Variants in ROS1 observed in about 807,000 individuals in gnomAD.
ROS1 encodes proto-oncogene tyrosine-protein kinase ROS.
A neutral mutation model predicts 273.5 loss-of-function variants in ROS1; 263 were observed. The ratio of observed to expected loss-of-function variants is 0.96; its 90% CI spans 0.87 to 1.06. The LOEUF is 1.06. Among genes scored for constraint, ROS1 ranks in the 50% least tolerant of loss-of-function variants. The probability of loss-of-function intolerance (pLI) is 0.00; values close to 1 mark genes in which losing one functional copy is unlikely to be tolerated. For missense variants in ROS1, 2,833 were observed against 2,751.1 expected, an observed-to-expected ratio of 1.03 and a Z score of -0.67; for synonymous variants, 1,008 against 954.1, an observed-to-expected ratio of 1.06 and a Z score of -1.04.
chr6:117,417,650 T>A (rs1046320328), intron 2 of ROS1, among the ~76,000 whole-genome samples: 5 of 152,180 alleles, frequency 3.3e-5, no homozygotes, highest in African/African-American at 1.2e-4. Context: ...AACTTGGCAA[T>A]GGGTCTTCCA....
chr6:117,375,172 T>G (rs1211849441), intron 18 of ROS1, among the ~76,000 whole-genome samples: 1 of 152,244 alleles, frequency 6.6e-6, no homozygotes, highest in Non-Finnish European at 1.5e-5. Context: ...AGACCGTTAT[T>G]CTAAGTGAAG....
chr6:117,314,752 C>G (rs942115966), intron 39 of ROS1, among the ~76,000 whole-genome samples: 15 of 152,088 alleles, frequency 9.9e-5, no homozygotes, highest in African/African-American at 3.6e-4. Flanking sequence ...AGAGGAGAAA[C>G]GAGCAATTTC....
chr6:117,418,913 T>C (rs535246939), intron 1 of ROS1, among the ~76,000 whole-genome samples: 5 of 152,326 alleles, frequency 3.3e-5, no homozygotes, highest in African/African-American at 9.6e-5. Flanking sequence ...AACATAAGAT[T>C]ACTCTTTTAT....
At position 117,288,424 on chromosome 6, in the gene ROS1, A is replaced by G. The variant is rs1659327054; in HGVS notation, c.*68T>C. The G allele has an allele frequency of 1.6e-6, 2 of 1,272,226 alleles. No homozygotes were observed. The highest frequency in any genetic ancestry group is 2.8e-5 in the South Asian group (2 of 70,496). The allele number at this position is 1,272,226 out of a possible 1,614,324, so 78.8% of individuals were successfully genotyped here. A position where few individuals can be genotyped will look rare whatever the true frequency, so the allele number is the denominator to read the frequency against. On this transcript the variant is annotated 3_prime_UTR_variant, in exon 44 of 44. Coordinates refer to ENST00000368507, the MANE Select transcript of ROS1 (RefSeq NM_001378902.1). ...CCACCATGACATTTATCATTCTAGCAGAGTTTTCTTTCAGTAACTACTGAA... is the reference window on the plus strand; with the variant it reads ...CCACCATGACATTTATCATTCTAGCGGAGTTTTCTTTCAGTAACTACTGAA...
intron 5 of ROS1, among the ~76,000 whole-genome samples, chr6:117,405,243 G>T (rs149429683): frequency 1.3e-5 from 2 of 152,018 alleles, no homozygotes; most frequent in South Asian, 2.1e-4. Flanking sequence ...GAAAATTGAC[G>T]CAATTCTCAT....
At chr6:117,315,851 GTCCAA>G (rs1775881958) in intron 39 of ROS1, among the ~76,000 whole-genome samples, 7 of 152,000 alleles carry the variant, frequency 4.6e-5, no homozygotes, top group Admixed American at 3.9e-4. Context: ...GGAAGGAAGT[GTCCAA>G]GAAAAAATTA....
rs1488652972 is a variant in ROS1, at chr6:117,389,639, G to A, written c.1497C>T (p.Ile499=). The A allele has an allele frequency of 1.9e-6, 3 of 1,614,252 alleles. No homozygotes were observed. The highest frequency in any genetic ancestry group is 1.7e-6 in the Non-Finnish European group (2 of 1,180,044). Reference sequence around the variant, plus strand: ...CATCAGCAAAGGGGATGCGAGGTAGGATGAGATGGGAAGCAGAGCCATCCA... The same window carrying A: ...CATCAGCAAAGGGGATGCGAGGTAGAATGAGATGGGAAGCAGAGCCATCCA... ...TFLDGSASHL[I]LPRIPFADVK... is the part of the protein sequence containing the mutation. The change falls in exon 13 of 44, where the codon ATC becomes ATT. Residue 499 remains isoleucine (I), a synonymous_variant. Coordinates refer to ENST00000368507, the MANE Select transcript of ROS1 (RefSeq NM_001378902.1).
In ROS1 at chr6:117,312,038, T is replaced by A. The variant is rs145973787; in HGVS notation, c.6118-921A>T. ...CCATTATGAATTCCTGAGCACAGCC[T>A]CCACAGCACCCCCAGGCTGCACCAG... On this transcript the variant is annotated intron_variant, in intron 39 of 43. Transcript: ENST00000368507. 2.3e-3 allele frequency among the ~76,000 whole-genome samples: 344 copies of A among 152,222 alleles called. 2 individuals are homozygous for A. The highest frequency in any genetic ancestry group is 4.1e-3 in the Non-Finnish European group (276 of 67,998).
chr6:117,360,255 C>A (rs1779676412), intron 23 of ROS1, 87 bp downstream of exon 23: 1 of 950,906 alleles, frequency 1.1e-6, no homozygotes, highest in Non-Finnish European at 1.5e-6. Context: ...GTGTTCATAT[C>A]CCTAAAGACA....
chr6:117,290,082 A>G (rs1286759924), intron 43 of ROS1, among the ~76,000 whole-genome samples: 1 of 152,228 alleles, frequency 6.6e-6, no homozygotes, highest in African/African-American at 2.4e-5. Context: ...ACTTAAATCT[A>G]CAATATAGTC....
chr6:117,317,900 T>C (rs895724888), intron 38 of ROS1, among the ~76,000 whole-genome samples: 6 of 152,124 alleles, frequency 3.9e-5, no homozygotes, highest in Admixed American at 6.6e-5. Context: ...CACATTTAGA[T>C]GAATACAAGC....
At chr6:117,379,276 T>A in intron 17 of ROS1, 117 bp from the exon 18 acceptor site, 1 of 624,774 alleles carries the variant, frequency 1.6e-6, no homozygotes, top group Non-Finnish European at 2.8e-6. Context: ...AATAATAAAT[T>A]CAGTAATTTT....
chr6:117,372,709 C>T (rs973358360), intron 18 of ROS1, among the ~76,000 whole-genome samples: 5 of 152,126 alleles, frequency 3.3e-5, no homozygotes, highest in African/African-American at 4.8e-5. Context: ...TCTCACTGGC[C>T]TCAGGAGTGA....
Position 117,357,787 on chromosome 6 carries a change from T to C in ROS1, c.3839+17A>G, listed in dbSNP as rs1404330329. ...TCTATTTCATCACAATATAAAAAAATACTTGCATTTACATACCTTAAAAGA... is the reference window on the plus strand; with the variant it reads ...TCTATTTCATCACAATATAAAAAAACACTTGCATTTACATACCTTAAAAGA... On this transcript the variant is annotated intron_variant, in intron 25 of 43. Coordinates refer to ENST00000368507, the MANE Select transcript of ROS1 (RefSeq NM_001378902.1). The C allele has an allele frequency of 6.7e-7, 1 of 1,487,430 alleles. No individual in the cohort carries two copies. The allele number at this position is 1,487,430 out of a possible 1,614,324, so 92.1% of individuals were successfully genotyped here.
At chr6:117,303,920 C>T (rs970086448) in intron 42 of ROS1, among the ~76,000 whole-genome samples, 1 of 152,138 alleles carries the variant, frequency 6.6e-6, no homozygotes, top group Non-Finnish European at 1.5e-5. Context: ...AATTATAATG[C>T]AATCTCCATT....
intron 34 of ROS1, 123 bp downstream of exon 34, chr6:117,326,101 A>ATATATT (rs1776622195): frequency 5.5e-6 from 1 of 183,002 alleles, no homozygotes; most frequent in African/African-American, 2.9e-5. Context: ...TTATATATAT[A>ATATATT]TATATATATA....
At chr6:117,307,478 AG>A (rs2128544281) in intron 42 of ROS1, among the ~76,000 whole-genome samples, 1 of 152,258 alleles carries the variant, frequency 6.6e-6, no homozygotes, top group Admixed American at 6.5e-5. Context: ...TTTTGTATTT[AG>A]GTATCCTGGG....
chr6:117,301,157 T>G lies in ROS1; in HGVS notation c.6552-20A>C, dbSNP rs767608696. On this transcript the variant is annotated intron_variant, in intron 42 of 43. Transcript: ENST00000368507. The stretch of plus-strand genomic sequence containing the variant: ...TTCCACCTAAATATATGGGGAAAGA[T>G]GGGAAAGTAAATAGCAATTGGATAT... The G allele has an allele frequency of 6.4e-7, 1 of 1,560,400 alleles. No homozygotes were observed. Among genetic ancestry groups the G allele is most frequent in the African/African-American group, 1.4e-5 (1 of 72,188 alleles).
intron 37 of ROS1, 139 bp from the exon 38 acceptor site, chr6:117,318,391 G>A (rs977311751): frequency 1.5e-6 from 1 of 659,712 alleles, no homozygotes; most frequent in Non-Finnish European, 2.7e-6. Context: ...ACATGTGCAT[G>A]TATTCTACAA....
Sources: gnomAD v4.1 joint callset for allele counts (sites outside exome capture counted in the v4.1 genomes callset) on GRCh38, gnomAD v4.1.1 for gene constraint, MANE v1.5 for transcripts, NCBI Gene and HGNC (gene_info 2026-07-23, HGNC 2026-07-21) for gene names.